NSF: variants seen among roughly 807,000 people sequenced by gnomAD.
The protein encoded by NSF is vesicle-fusing ATPase.
Under a neutral mutation model 50.3 loss-of-function variants are expected in NSF, and 14 were observed. That is an observed-to-expected ratio of 0.28 (90% confidence interval 0.18 to 0.44). The LOEUF (loss-of-function observed/expected upper bound fraction) is 0.44, where lower values mean the gene tolerates loss of function less well. NSF is among the 20% of genes least tolerant of loss of function. The pLI is 1.00. For missense variants in NSF, 218 were observed against 504.3 expected (o/e 0.43, Z 5.44); for synonymous variants, 109 against 175.7 (o/e 0.62, Z 3.00).
intron 12 of NSF, among the ~76,000 whole-genome samples, chr17:46,703,702 A>AG (rs1386883197): frequency 7.4e-5 from 11 of 148,238 alleles, no homozygotes; most frequent in Non-Finnish European, 4.5e-5. Context: ...AAAAAAAAAA[A>AG]AACAAAAAAC....
intron 12 of NSF, among the ~76,000 whole-genome samples, chr17:46,695,287 A>G (rs1598690084): frequency 7.2e-6 from 1 of 139,050 alleles, no homozygotes. Flanking sequence ...AGGAAGTGGG[A>G]GTTTCCACGT....
chr17:46,730,657 T>C (rs1004661484), intron 17 of NSF, among the ~76,000 whole-genome samples: 1 of 152,134 alleles, frequency 6.6e-6, no homozygotes, highest in Non-Finnish European at 1.5e-5. Flanking sequence ...ACAAATACCT[T>C]ATCAACAAAA....
rs1210600539 is a variant in NSF, at chr17:46,719,851, ATTGT to A, written c.1761+5869_1761+5872del. 6.6e-6 allele frequency among the ~76,000 whole-genome samples: 1 copy of A among 152,242 alleles called. No individual in the cohort carries two copies. Among genetic ancestry groups the A allele is most frequent in the Non-Finnish European group, 1.5e-5 (1 of 68,036 alleles). On this transcript the variant is annotated intron_variant, in intron 15 of 20. Transcript: ENST00000398238. This position sits in a 1 kb window ranked among gnomAD's most constrained non-coding sequence, Gnocchi z 4.3. ...AAGTAGAACAATCAGATAGAACTAA[ATTGT>A]TTGAACAAAATTAAGTAAAACTACC...
chr17:46,741,381 G>A (rs546667185), intron 17 of NSF, among the ~76,000 whole-genome samples: 18 of 152,130 alleles, frequency 1.2e-4, no homozygotes, highest in East Asian at 3.9e-4. Flanking sequence ...TCAGTTTCTC[G>A]TTTCATATTC....
intron 19 of NSF, among the ~76,000 whole-genome samples, chr17:46,752,735 C>T (rs1297952235): frequency 6.6e-6 from 1 of 152,104 alleles, no homozygotes; most frequent in African/African-American, 2.4e-5. Context: ...GGATTACAGG[C>T]ATGCACCACT....
intron 13 of NSF, among the ~76,000 whole-genome samples, chr17:46,707,791 G>T (rs2058670967): frequency 6.6e-6 from 1 of 152,098 alleles, no homozygotes; most frequent in Non-Finnish European, 1.5e-5. Flanking sequence ...CAGCACTTTT[G>T]GAGATTGAGG....
chr17:46,752,821 T>C (rs2059194849), intron 19 of NSF, among the ~76,000 whole-genome samples: 1 of 151,886 alleles, frequency 6.6e-6, no homozygotes, highest in South Asian at 2.1e-4. Flanking sequence ...CAGGCTTGAG[T>C]AGTGGCATGA....
chr17:46,748,121 T>A (rs892796548), intron 17 of NSF, among the ~76,000 whole-genome samples: 21 of 152,284 alleles, frequency 1.4e-4, no homozygotes, highest in Middle Eastern at 6.8e-3. Context: ...TTATTTATTT[T>A]TTTGAGATGG....
chr17:46,720,253 C>T (rs1403092696), intron 15 of NSF, among the ~76,000 whole-genome samples: 1 of 152,182 alleles, frequency 6.6e-6, no homozygotes, highest in Non-Finnish European at 1.5e-5. Flanking sequence ...CTACAGGTCC[C>T]TGTATGGCTG....
At chr17:46,748,055 G>A (rs1444863649) in intron 17 of NSF, among the ~76,000 whole-genome samples, 1 of 152,174 alleles carries the variant, frequency 6.6e-6, no homozygotes, top group Non-Finnish European at 1.5e-5. Flanking sequence ...TTGTCTTTTA[G>A]CCTTCAGTGC....
At chr17:46,661,399 ATTATT>A (rs1409104276) in intron 8 of NSF, among the ~76,000 whole-genome samples, 3 of 116,036 alleles carry the variant, frequency 2.6e-5, no homozygotes, top group Admixed American at 9.4e-5. Context: ...TATTATTATT[ATTATT>A]ATTATTTTTG....
chr17:46,714,011 A>G, intron 15 of NSF, 25 bp downstream of exon 15: 1 of 1,595,054 alleles, frequency 6.3e-7, no homozygotes, highest in Non-Finnish European at 8.5e-7. Context: ...CTTTCATTTT[A>G]ATTTCCTATC....
chr17:46,711,418 C>G (rs1160633867), intron 14 of NSF, among the ~76,000 whole-genome samples: 1 of 152,166 alleles, frequency 6.6e-6, no homozygotes, highest in African/African-American at 2.4e-5. Context: ...TAAATACTTA[C>G]TGAGTACTTG....
At chr17:46,748,876 A>G (rs2059155760) in intron 17 of NSF, among the ~76,000 whole-genome samples, 1 of 152,250 alleles carries the variant, frequency 6.6e-6, no homozygotes, top group Non-Finnish European at 1.5e-5. Flanking sequence ...AAGGAAATTG[A>G]ATAGTACTCT....
At chr17:46,720,508 G>A (rs1405378611) in intron 15 of NSF, among the ~76,000 whole-genome samples, 2 of 152,152 alleles carry the variant, frequency 1.3e-5, no homozygotes, top group Admixed American at 6.5e-5. Context: ...CAAAAGTTTA[G>A]GTCCACTTCC....
chr17:46,666,035 C>T lies in NSF; in HGVS notation c.746-8379C>T, dbSNP rs1300743773. On this transcript the variant is annotated intron_variant, in intron 8 of 20. Coordinates refer to ENST00000398238, the MANE Select transcript of NSF (RefSeq NM_006178.4). ...GAATCAGCTCGTCCCAGGTGAATGC[C>T]GGCAGAGCAGGGTGTGTGCTCCCCA... Among the ~76,000 whole-genome samples the T allele has an allele frequency of 2.7e-5, 4 of 147,112 alleles. No individual in the cohort carries two copies. The East Asian group carries it at 5.8e-4, about 21-fold the overall frequency.
chr17:46,727,289 G>T (rs1250846539), intron 16 of NSF, among the ~76,000 whole-genome samples: 1 of 152,136 alleles, frequency 6.6e-6, no homozygotes, highest in Non-Finnish European at 1.5e-5. Flanking sequence ...GAAATAAACT[G>T]CAAGGAAGGG....
intron 15 of NSF, chr17:46,721,971 C>T (rs1382828605): frequency 2.5e-6 from 4 of 1,604,628 alleles, no homozygotes; most frequent in East Asian, 2.2e-5. Context: ...AGTTGAGGAA[C>T]GGGAACAAAG....
Position 46,719,516 on chromosome 17 carries a change from A to G in NSF, c.1761+5530A>G, listed in dbSNP as rs2058806837. ...ATTAGTGAATCCTTTCTCCATGGAT[A>G]AACTCCTCAAAACTGCTGAAGTATG... On this transcript the variant is annotated intron_variant, in intron 15 of 20. Coordinates refer to ENST00000398238, the MANE Select transcript of NSF (RefSeq NM_006178.4). This position sits in a 1 kb window ranked among gnomAD's most constrained non-coding sequence, Gnocchi z 4.3. 6.6e-6 allele frequency among the ~76,000 whole-genome samples: 1 copy of G among 152,218 alleles called. No homozygotes were observed.
Sources: gnomAD v4.1 joint callset for allele counts (sites outside exome capture counted in the v4.1 genomes callset) on GRCh38, gnomAD v4.1.1 for gene constraint, Gnocchi (gnomAD v3.1) non-coding constraint, MANE v1.5 for transcripts, NCBI Gene and HGNC (gene_info 2026-07-23, HGNC 2026-07-21) for gene names.